ANKRD62: variants seen among roughly 807,000 people sequenced by gnomAD.
The protein encoded by ANKRD62 is ankyrin repeat domain-containing protein 62.
ANKRD62 carries 61 observed loss-of-function variants against 98.8 expected under a neutral mutation model. The ratio of observed to expected loss-of-function variants is 0.62; its 90% CI spans 0.50 to 0.76. The LOEUF (loss-of-function observed/expected upper bound fraction) is 0.76. Ranked by LOEUF, ANKRD62 falls within the 30% of genes least tolerant of loss-of-function variation. The probability of loss-of-function intolerance (pLI) is 0.00; values close to 1 mark genes in which losing one functional copy is unlikely to be tolerated. For missense variants in ANKRD62, 933 were observed against 1,082.9 expected, an observed-to-expected ratio of 0.86 and a Z score of 1.94; for synonymous variants, 341 against 367.9, an observed-to-expected ratio of 0.93 and a Z score of 0.84.
intron 8 of ANKRD62, among the ~76,000 whole-genome samples, chr18:12,109,582 ATTG>A (rs1382208268): frequency 6.6e-6 from 1 of 152,206 alleles, no homozygotes; most frequent in African/African-American, 2.4e-5. Flanking sequence ...TAGTTATAAA[ATTG>A]TTGTTTTTCT....
At chr18:12,112,463 G>A (rs1251865476) in intron 8 of ANKRD62, among the ~76,000 whole-genome samples, 1 of 152,006 alleles carries the variant, frequency 6.6e-6, no homozygotes, top group Admixed American at 6.6e-5. Flanking sequence ...AAAGCAACAA[G>A]GACAGGACCG....
At chr18:12,115,065 G>T in intron 8 of ANKRD62, 23 bp from the exon 9 acceptor site, 1 of 1,384,962 alleles carries the variant, frequency 7.2e-7, no homozygotes, top group Non-Finnish European at 9.3e-7. Context: ...TGCCTGATTG[G>T]AATTTTTTGG....
the ANKRD62 span, among the ~76,000 whole-genome samples, chr18:12,157,149 C>T: frequency 8.5e-5 from 13 of 152,330 alleles, no homozygotes; most frequent in Admixed American, 2.6e-4. Flanking sequence ...ATGCTGAAAT[C>T]TGTCTAGGGT....
chr18:12,150,077 G>A, the ANKRD62 span, among the ~76,000 whole-genome samples: 1 of 152,232 alleles, frequency 6.6e-6, no homozygotes. Context: ...GGATGAAATA[G>A]CCACCATAGG....
chr18:12,159,832 A>G, the ANKRD62 span, among the ~76,000 whole-genome samples: 1 of 152,192 alleles, frequency 6.6e-6, no homozygotes, highest in African/African-American at 2.4e-5. Context: ...TGAGACTATA[A>G]TGTTTTTATG....
At chr18:12,162,450 T>C in the ANKRD62 span, among the ~76,000 whole-genome samples, 3 of 152,178 alleles carry the variant, frequency 2.0e-5, no homozygotes, top group East Asian at 5.8e-4. Context: ...AGCTTGCAGA[T>C]ATTTTCTCCC....
intron 6 of ANKRD62, 22 bp downstream of exon 6, chr18:12,099,704 T>A: frequency 7.3e-7 from 1 of 1,368,692 alleles, no homozygotes; most frequent in South Asian, 1.6e-5. Context: ...GATAGTGAAT[T>A]CCTCTCGATG....
intron 7 of ANKRD62, among the ~76,000 whole-genome samples, chr18:12,104,128 TAAA>T: frequency 6.6e-6 from 1 of 152,122 alleles, no homozygotes; most frequent in Non-Finnish European, 1.5e-5. Context: ...TTTGTACTCC[TAAA>T]AATGATCTCT....
chr18:12,167,322 T>C, the ANKRD62 span, among the ~76,000 whole-genome samples: 35 of 151,676 alleles, frequency 2.3e-4, no homozygotes, highest in African/African-American at 8.0e-4. Flanking sequence ...TGTGTGATGT[T>C]CCCTGCCCTG....
chr18:12,118,901 T>C (rs1909725848), intron 10 of ANKRD62, among the ~76,000 whole-genome samples: 1 of 152,184 alleles, frequency 6.6e-6, no homozygotes, highest in Non-Finnish European at 1.5e-5. Flanking sequence ...ATGCTAACAT[T>C]AAAGAGTGAG....
chr18:12,094,291 C>G (rs1568056422), intron 1 of ANKRD62, 56 bp downstream of exon 1: 4 of 1,325,496 alleles, frequency 3.0e-6, no homozygotes, highest in African/African-American at 2.1e-5. Context: ...AGCCCCTGTT[C>G]CTGGTTTCGG....
the ANKRD62 span, among the ~76,000 whole-genome samples, chr18:12,136,359 T>A: frequency 3.3e-5 from 5 of 152,142 alleles, no homozygotes; most frequent in African/African-American, 1.2e-4. Context: ...GTTGTAGATA[T>A]GTGGCATTAT....
the ANKRD62 span, among the ~76,000 whole-genome samples, chr18:12,157,739 CAAG>C: frequency 6.6e-6 from 1 of 152,120 alleles, no homozygotes; most frequent in Non-Finnish European, 1.5e-5. Context: ...TTTTTATGGA[CAAG>C]GAGGAGGCTG....
the ANKRD62 span, among the ~76,000 whole-genome samples, chr18:12,150,264 C>T: frequency 6.6e-6 from 1 of 152,060 alleles, no homozygotes; most frequent in Admixed American, 6.6e-5. Flanking sequence ...ATAAAAACAA[C>T]CAAAAGACAT....
chr18:12,132,022 G>T (rs533319328), downstream of ANKRD62, among the ~76,000 whole-genome samples: 1 of 151,948 alleles, frequency 6.6e-6, no homozygotes, highest in Non-Finnish European at 1.5e-5. Flanking sequence ...ATTGCATTAT[G>T]TCATGGTAAA....
chr18:12,167,588 A>G, the ANKRD62 span, among the ~76,000 whole-genome samples: 3 of 152,214 alleles, frequency 2.0e-5, no homozygotes, highest in Non-Finnish European at 4.4e-5. Flanking sequence ...TAGTGCCACA[A>G]TAAACACATG....
intron 12 of ANKRD62, 143 bp from the exon 13 acceptor site, chr18:12,125,317 C>T: frequency 2.6e-6 from 2 of 775,002 alleles, no homozygotes; most frequent in Non-Finnish European, 3.5e-6. Context: ...GGTTTTGATT[C>T]AACTTTTTTT....
Position 12,094,282 on chromosome 18 carries a change from G to A in ANKRD62, c.218+47G>A, listed in dbSNP as rs1000995409. 31 of 1,466,084 alleles carry A rather than the reference G, an allele frequency of 2.1e-5. No homozygotes were observed. The African/African-American group carries it at 4.9e-4, about 23-fold the overall frequency. 90.8% of individuals were successfully genotyped at this position (1,466,084 alleles called of 1,614,324 possible). ...GAGGAGGCCTGGGGATATGGGAGAA[G>A]CCCCTGTTCCTGGTTTCGGGGTAGG... On this transcript the variant is annotated intron_variant, in intron 1 of 13. Transcript: ENST00000587848.
chr18:12,122,681 A>G (rs1483511394), intron 11 of ANKRD62, among the ~76,000 whole-genome samples, 165 bp downstream of exon 11: 1 of 152,210 alleles, frequency 6.6e-6, no homozygotes, highest in Non-Finnish European at 1.5e-5. Flanking sequence ...GTTAATTGTG[A>G]ATACTTCTCT....
Sources: gnomAD v4.1 joint callset for allele counts (sites outside exome capture counted in the v4.1 genomes callset) on GRCh38, gnomAD v4.1.1 for gene constraint, MANE v1.5 for transcripts, NCBI Gene and HGNC (gene_info 2026-07-23, HGNC 2026-07-21) for gene names.